STRN4: variants seen among roughly 807,000 people sequenced by gnomAD.
STRN4 encodes striatin 4, also known as striatin-4.
STRN4 carries 27 observed loss-of-function variants against 77.9 expected under a neutral mutation model. That is an observed-to-expected ratio of 0.35 (90% CI 0.26 to 0.48). STRN4 has a LOEUF of 0.48. Ranked by LOEUF, STRN4 falls within the 20% of genes least tolerant of loss-of-function variation. The pLI, the probability that STRN4 is intolerant of heterozygous loss-of-function variation, is 0.99. For synonymous variants in STRN4, 466 were observed against 443.1 expected (o/e 1.05, Z -0.65); for missense variants, 798 against 1,049.7 (o/e 0.76, Z 3.31).
chr19:46,738,275 A>C lies in STRN4; in HGVS notation c.387-38T>G, dbSNP rs368157470. Reference sequence around the variant, plus strand: ...ATGATTAATGAATAAGAGATGCGGGAGAGTAGACAGGGTCAGTAGTTACCT... The same window carrying C: ...ATGATTAATGAATAAGAGATGCGGGCGAGTAGACAGGGTCAGTAGTTACCT... On this transcript the variant is annotated intron_variant, in intron 2 of 17. Coordinates refer to ENST00000263280, the MANE Select transcript of STRN4 (RefSeq NM_013403.3). The surrounding 1 kb of genome is among the most constrained non-coding windows in gnomAD (Gnocchi z 4.5). 7.0e-6 allele frequency: 11 copies of C among 1,580,380 alleles called. No homozygotes were observed. In the African/African-American group the frequency reaches 1.1e-4, roughly 15 times the overall value.
At chr19:46,730,595 C>T in intron 6 of STRN4, 137 bp downstream of exon 6, 1 of 1,360,030 alleles carries the variant, frequency 7.4e-7, no homozygotes, top group Non-Finnish European at 1.0e-6. Context: ...ACAAGCTCCT[C>T]CAGGCCAGGG....
At position 46,733,131 on chromosome 19, in the gene STRN4, C is replaced by A. The variant is rs764987680; in HGVS notation, c.645G>T (p.Pro215=). ...RSLELNGAVE[P]SEGAPRAPPG... ...GTGGAGCCCTGGGGGCCCCTTCACT[C>A]GGCTCCACTGCCCCGTTGAGCTCCA... The change falls in exon 5 of 18, where the codon CCG becomes CCT. Residue 215 remains proline, a synonymous_variant. Transcript: ENST00000263280. This position sits in a 1 kb window ranked among gnomAD's most constrained non-coding sequence, Gnocchi z 4.3. The A allele has an allele frequency of 1.2e-6, 2 of 1,612,696 alleles. No individual in the cohort carries two copies. Among genetic ancestry groups the A allele is most frequent in the Non-Finnish European group, 1.7e-6 (2 of 1,179,946 alleles).
In STRN4 at chr19:46,725,655, T is replaced by G. The variant is rs776945286; in HGVS notation, c.1249-7A>C. ...CATCTTTGCTGTCAGACAGCTGGGG[T>G]TGGGGGGAGCTGCCTCAGTGTCTTC... On this transcript the variant is annotated splice_polypyrimidine_tract_variant and splice_region_variant and intron_variant, in intron 9 of 17. Coordinates refer to ENST00000263280, the MANE Select transcript of STRN4 (RefSeq NM_013403.3). 1.9e-6 allele frequency: 3 copies of G among 1,612,880 alleles called. No individual in the cohort carries two copies. The highest frequency in any genetic ancestry group is 2.2e-5 in the East Asian group (1 of 44,844).
At chr19:46,740,906 G>A (rs1287768886) in intron 1 of STRN4, among the ~76,000 whole-genome samples, 2 of 152,194 alleles carry the variant, frequency 1.3e-5, no homozygotes, top group African/African-American at 2.4e-5. Context: ...AGAGAAGTTA[G>A]CCAGGGGAGG....
chr19:46,727,655 G>A (rs748157836), intron 8 of STRN4, 109 bp from the exon 9 acceptor site: 2 of 928,546 alleles, frequency 2.2e-6, no homozygotes, highest in Non-Finnish European at 3.4e-6. Context: ...AAGAGCAAGA[G>A]AGAGAGACGG....
chr19:46,725,677 C>T, intron 9 of STRN4, 29 bp from the exon 10 acceptor site: 1 of 1,607,264 alleles, frequency 6.2e-7, no homozygotes, highest in Non-Finnish European at 8.5e-7. Flanking sequence ...GCCTCAGTGT[C>T]TTCGCATCCA....
At chr19:46,727,858 C>T in intron 8 of STRN4, 36 bp downstream of exon 8, 1 of 1,541,310 alleles carries the variant, frequency 6.5e-7, no homozygotes, top group Admixed American at 1.8e-5. Context: ...TGCCATGGGC[C>T]CGCAGGACTG....
chr19:46,728,854 G>C (rs1158350088), intron 6 of STRN4, 77 bp from the exon 7 acceptor site: 1 of 1,568,576 alleles, frequency 6.4e-7, no homozygotes, highest in Non-Finnish European at 8.7e-7. Flanking sequence ...CTAGGAACAG[G>C]TAAGCCGGGG....
At chr19:46,744,522 T>C (rs866695991) in intron 1 of STRN4, among the ~76,000 whole-genome samples, 9 of 152,102 alleles carry the variant, frequency 5.9e-5, no homozygotes, top group Admixed American at 2.0e-4. Flanking sequence ...TAGCTGGGAC[T>C]ACAGGCGCAT....
chr19:46,728,470 T>TC, intron 7 of STRN4, 148 bp downstream of exon 7: 4 of 1,133,154 alleles, frequency 3.5e-6, no homozygotes, highest in Non-Finnish European at 4.9e-6. Flanking sequence ...GACCTGGGCC[T>TC]CCTGCTCTCC....
At chr19:46,724,449 C>T (rs144091520) in intron 12 of STRN4, among the ~76,000 whole-genome samples, 104 of 152,294 alleles carry the variant, frequency 6.8e-4, no homozygotes, top group African/African-American at 2.4e-3. Context: ...GAGACCCTGG[C>T]GGATCCCCAC....
In STRN4 at chr19:46,727,874, A is replaced by G. The variant is rs757711166; in HGVS notation, c.1153+20T>C. 1 of 1,573,568 alleles carries G rather than the reference A, an allele frequency of 6.4e-7. No individual in the cohort carries two copies. Among genetic ancestry groups the G allele is most frequent in the South Asian group, 1.2e-5 (1 of 86,024 alleles). On this transcript the variant is annotated intron_variant, in intron 8 of 17. Transcript: ENST00000263280. ...GCCATGGGCCCGCAGGACTGGGACC[A>G]GGTGGGGGGTGCCTCTTACCTTCAT...
Position 46,746,116 on chromosome 19 carries a change from G to T in STRN4, c.282+33C>A. ...GTGAGGCCGGGCCGGGCCGGGCCGG[G>T]TTGGGGGTCGGGGGTCCCGGGACAG... On this transcript the variant is annotated intron_variant, in intron 1 of 17. Transcript: ENST00000263280. The T allele has an allele frequency of 4.1e-6, 6 of 1,469,384 alleles. No individual in the cohort carries two copies. In the South Asian group the frequency reaches 6.4e-5, roughly 16 times the overall value. The allele number at this position is 1,469,384 out of a possible 1,614,324, so 91.0% of individuals were successfully genotyped here. A position where few individuals can be genotyped will look rare whatever the true frequency, so the allele number is the denominator to read the frequency against.
chr19:46,728,145 G>A (rs758325491), intron 7 of STRN4, 138 bp from the exon 8 acceptor site: 2 of 830,380 alleles, frequency 2.4e-6, no homozygotes, highest in Non-Finnish European at 4.0e-6. Flanking sequence ...GGGGGGGAAT[G>A]GGCAGAGGAG....
At position 46,733,261 on chromosome 19, in the gene STRN4, G is replaced by T; in HGVS notation, c.540-25C>A. ...CCTGCAGGGGTGCAGAGCCACGTGGGTCAGACATCCCCTGGGCTTCTTCAT... is the reference window on the plus strand; with the variant it reads ...CCTGCAGGGGTGCAGAGCCACGTGGTTCAGACATCCCCTGGGCTTCTTCAT... On this transcript the variant is annotated intron_variant, in intron 4 of 17. Transcript: ENST00000263280. The surrounding 1 kb of genome is among the most constrained non-coding windows in gnomAD (Gnocchi z 4.3). The T allele has an allele frequency of 6.2e-7, 1 of 1,601,922 alleles. No individual in the cohort carries two copies. Among genetic ancestry groups the T allele is most frequent in the Non-Finnish European group, 8.5e-7 (1 of 1,177,156 alleles).
intron 4 of STRN4, among the ~76,000 whole-genome samples, chr19:46,734,855 G>A (rs975764536): frequency 1.3e-5 from 2 of 152,130 alleles, no homozygotes; most frequent in African/African-American, 4.8e-5. Flanking sequence ...TAGTAGAGAC[G>A]GGGTTTTGCC....
chr19:46,736,779 A>G, intron 4 of STRN4, 44 bp downstream of exon 4: 1 of 1,596,234 alleles, frequency 6.3e-7, no homozygotes. Context: ...CTCTCAAGCC[A>G]AACGTGTCAC....
At chr19:46,734,986 T>C (rs2054330110) in intron 4 of STRN4, among the ~76,000 whole-genome samples, 1 of 151,948 alleles carries the variant, frequency 6.6e-6, no homozygotes, top group Admixed American at 6.6e-5. Context: ...TCTTTAACAG[T>C]GAAAACAAAT....
rs576731281 is a variant in STRN4, at chr19:46,730,873, C to T, written c.738G>A (p.Arg246=). The T allele has an allele frequency of 1.9e-6, 3 of 1,610,564 alleles. No homozygotes were observed. The East Asian group carries it at 6.7e-5, about 36-fold the overall frequency. The change falls in exon 6 of 18, where the codon AGG becomes AGA. Residue 246 remains arginine (R), a splice_region_variant and synonymous_variant. Transcript: ENST00000263280. ...CTTTGCCATCTTTGCCTGCCGCGTT[C>T]CTGCCAAAGACAGCAGAGCAGAGGA... ...LVKQIEEQIK[R]NAAGKDGKER...
Sources: allele counts gnomAD v4.1 joint callset (sites outside exome capture counted in the v4.1 genomes callset), GRCh38; gene constraint gnomAD v4.1.1; non-coding constraint Gnocchi (gnomAD v3.1); transcripts MANE v1.5; gene names NCBI Gene and HGNC (gene_info 2026-07-23, HGNC 2026-07-21).